The following PCLO variants were observed in gnomAD, a reference collection of about 807,000 sequenced individuals.
PCLO encodes the protein protein piccolo.
PCLO carries 82 observed loss-of-function variants against 427.5 expected under a neutral mutation model. That is an observed-to-expected ratio of 0.19 (90% CI 0.16 to 0.23). PCLO has a LOEUF of 0.23. Ranked by LOEUF, PCLO falls within the 10% of genes least tolerant of loss-of-function variation. The probability of loss-of-function intolerance (pLI) is 1.00; values close to 1 mark genes in which losing one functional copy is unlikely to be tolerated. For synonymous variants in PCLO, 2,357 were observed against 2,155.4 expected (o/e 1.09, Z -2.59); for missense variants, 6,239 against 6,115.9 (o/e 1.02, Z -0.67).
At chr7:82,961,066 A>C (rs73385991) in intron 4 of PCLO, among the ~76,000 whole-genome samples, 11,209 of 152,188 alleles carry the variant, frequency 0.074, 1,405 homozygotes, top group African/African-American at 0.26. Flanking sequence ...CATAATATTA[A>C]CCTTATCAAT....
chr7:82,833,270 A>T (rs1792142490), intron 16 of PCLO, among the ~76,000 whole-genome samples: 1 of 152,188 alleles, frequency 6.6e-6, no homozygotes, highest in African/African-American at 2.4e-5. Context: ...AAAGATAGCT[A>T]AAAATAATTA....
intron 3 of PCLO, among the ~76,000 whole-genome samples, chr7:83,045,510 A>C (rs1298638332): frequency 6.6e-6 from 1 of 152,074 alleles, no homozygotes; most frequent in African/African-American, 2.4e-5. Flanking sequence ...GCATATATGC[A>C]TGGATCTTTC....
intron 6 of PCLO, among the ~76,000 whole-genome samples, chr7:82,926,451 C>A (rs1210155001): frequency 2.0e-5 from 3 of 151,886 alleles, no homozygotes; most frequent in Non-Finnish European, 4.4e-5. Context: ...AATTATAGGA[C>A]CCTATTAATA....
At chr7:82,938,781 G>C (rs1795014214) in intron 6 of PCLO, among the ~76,000 whole-genome samples, 1 of 151,770 alleles carries the variant, frequency 6.6e-6, no homozygotes, top group Admixed American at 6.6e-5. Flanking sequence ...GTTATGTATG[G>C]CTACCTAATG....
chr7:83,098,993 A>G (rs2116478989), intron 3 of PCLO, among the ~76,000 whole-genome samples: 1 of 152,178 alleles, frequency 6.6e-6, no homozygotes, highest in African/African-American at 2.4e-5. Flanking sequence ...GGAGTGGAAA[A>G]ACACAAGACA....
intron 13 of PCLO, among the ~76,000 whole-genome samples, chr7:82,843,736 G>A (rs1460413142): frequency 1.4e-5 from 2 of 146,510 alleles, no homozygotes; most frequent in African/African-American, 5.0e-5. Context: ...TGTGATCTCT[G>A]CTCACTGCAA....
chr7:83,032,842 G>C (rs1208006941), intron 3 of PCLO, among the ~76,000 whole-genome samples: 4 of 152,140 alleles, frequency 2.6e-5, no homozygotes, highest in African/African-American at 9.7e-5. Context: ...GCAGGTGGGT[G>C]ACAATGAAGT....
At chr7:82,939,575 T>C (rs1257990337) in intron 6 of PCLO, among the ~76,000 whole-genome samples, 1 of 151,182 alleles carries the variant, frequency 6.6e-6, no homozygotes, top group African/African-American at 2.4e-5. Context: ...TATACATATA[T>C]ATTTTTTCCG....
intron 3 of PCLO, among the ~76,000 whole-genome samples, chr7:83,004,929 A>G (rs1583897362): frequency 6.6e-6 from 1 of 151,628 alleles, no homozygotes; most frequent in South Asian, 2.1e-4. Flanking sequence ...AAGGTGCTCA[A>G]CATCACTAAT....
rs754083986 is a variant in PCLO, at chr7:82,761,435, A to C, written c.15066T>G (p.Asp5022Glu). The C allele has an allele frequency of 6.3e-7, 1 of 1,588,248 alleles. No homozygotes were observed. Among genetic ancestry groups the C allele is most frequent in the African/African-American group, 1.3e-5 (1 of 74,542 alleles). ...KIALKKEMKT[D>E]GEQLIVEILQ... is the part of the protein sequence containing the mutation. ...GAATTTCAACTATTAGTTGTTCACC[A>C]TCTGTCTTCATTTCCTTCTTCAATG... Residue 5022 changes from aspartate (D) to glutamate (E), a missense_variant, in exon 23 of 25, where the codon GAT becomes GAG. Asp to Glu is a conservative substitution (Grantham distance 45, BLOSUM62 2). Around this residue, in one of 5 missense-constraint regions of PCLO, gnomAD observed 877 missense variants for 925.5 expected, o/e 0.95. Coordinates refer to ENST00000333891, the MANE Select transcript of PCLO (RefSeq NM_033026.6).
intron 9 of PCLO, among the ~76,000 whole-genome samples, chr7:82,899,487 G>T (rs1751262096): frequency 6.6e-6 from 1 of 151,292 alleles, no homozygotes; most frequent in Admixed American, 6.6e-5. Flanking sequence ...ACTTAATTTA[G>T]TATAGGATTA....
chr7:82,885,827 A>G (rs1793614850), intron 9 of PCLO, among the ~76,000 whole-genome samples: 1 of 152,178 alleles, frequency 6.6e-6, no homozygotes, highest in South Asian at 2.1e-4. Flanking sequence ...TGTGAGGAAA[A>G]TGAGGCTTTG....
At chr7:82,776,201 A>G (rs1319480086) in intron 22 of PCLO, among the ~76,000 whole-genome samples, 2 of 152,232 alleles carry the variant, frequency 1.3e-5, no homozygotes, top group Non-Finnish European at 2.9e-5. Flanking sequence ...AACCAAAACC[A>G]ATACTACGTT....
At chr7:83,084,823 G>A (rs1348799383) in intron 3 of PCLO, among the ~76,000 whole-genome samples, 1 of 152,148 alleles carries the variant, frequency 6.6e-6, no homozygotes, top group Non-Finnish European at 1.5e-5. Context: ...AGTCCTGACT[G>A]CTTTCAAGCC....
chr7:82,899,682 T>A (rs1793994031), intron 9 of PCLO, among the ~76,000 whole-genome samples: 1 of 151,552 alleles, frequency 6.6e-6, no homozygotes, highest in African/African-American at 2.4e-5. Context: ...TTTGTGAAAT[T>A]TATATACAGA....
At chr7:83,098,216 A>G (rs1790643343) in intron 3 of PCLO, among the ~76,000 whole-genome samples, 1 of 152,106 alleles carries the variant, frequency 6.6e-6, no homozygotes, top group Non-Finnish European at 1.5e-5. Flanking sequence ...TACTATAATT[A>G]AGATACTCAG....
At chr7:82,762,686 A>C (rs1790455524) in intron 22 of PCLO, among the ~76,000 whole-genome samples, 1 of 152,130 alleles carries the variant, frequency 6.6e-6, no homozygotes. Context: ...TAAAGAACAT[A>C]ATCATATTTT....
At chr7:82,780,212 A>G (rs114777593) in intron 22 of PCLO, among the ~76,000 whole-genome samples, 5,667 of 152,298 alleles carry the variant, frequency 0.037, 383 homozygotes, top group African/African-American at 0.13. Context: ...TATGGGCAGT[A>G]CTGGTCTCAG....
chr7:83,109,812 CATTTT>C (rs1306722074), intron 3 of PCLO, among the ~76,000 whole-genome samples: 3 of 151,834 alleles, frequency 2.0e-5, no homozygotes, highest in African/African-American at 4.8e-5. Flanking sequence ...ATAGCAAAAA[CATTTT>C]ATTTAATATA....
Sources: gnomAD v4.1 joint callset for allele counts (sites outside exome capture counted in the v4.1 genomes callset) on GRCh38, gnomAD v4.1.1 for gene constraint, gnomAD v4.1.1 regional missense constraint, MANE v1.5 for transcripts, NCBI Gene and HGNC (gene_info 2026-07-23, HGNC 2026-07-21) for gene names.